Variants in SPAG16 observed in about 807,000 individuals in gnomAD.
The protein encoded by SPAG16 is sperm-associated antigen 16 protein.
In SPAG16, 86 loss-of-function variants were observed where a neutral mutation model predicts 80.4. The ratio of observed to expected loss-of-function variants is 1.07; its 90% CI spans 0.90 to 1.28. The LOEUF (loss-of-function observed/expected upper bound fraction) is 1.28. Ranked by LOEUF, SPAG16 falls within the 50% of genes most tolerant of loss-of-function variation. The probability of loss-of-function intolerance (pLI) is 0.00; values close to 1 mark genes in which losing one functional copy is unlikely to be tolerated. For synonymous variants in SPAG16, 294 were observed against 265.9 expected, an observed-to-expected ratio of 1.11 and a Z score of -1.03; for missense variants, 870 against 765.3, an observed-to-expected ratio of 1.14 and a Z score of -1.61.
intron 10 of SPAG16, among the ~76,000 whole-genome samples, chr2:213,607,474 C>G (rs1175029869): frequency 6.6e-6 from 1 of 152,230 alleles, no homozygotes; most frequent in Non-Finnish European, 1.5e-5. Context: ...CATTCACTCA[C>G]AGCACCTGTG....
intron 9 of SPAG16, among the ~76,000 whole-genome samples, chr2:213,443,265 C>T (rs1173104383): frequency 6.6e-6 from 1 of 152,084 alleles, no homozygotes; most frequent in African/African-American, 2.4e-5. Flanking sequence ...TAGATTAATT[C>T]ATCCTATATG....
chr2:214,109,381 A>G (rs577730240), intron 14 of SPAG16, among the ~76,000 whole-genome samples: 1 of 152,300 alleles, frequency 6.6e-6, no homozygotes, highest in African/African-American at 2.4e-5. Flanking sequence ...TTTAAACTCT[A>G]TGATTTAATT....
intron 10 of SPAG16, among the ~76,000 whole-genome samples, chr2:213,853,337 C>T (rs1202702167): frequency 1.3e-5 from 2 of 152,138 alleles, no homozygotes; most frequent in Admixed American, 1.3e-4. Context: ...ACACTCCCTC[C>T]AAAATATCCT....
At chr2:213,772,194 C>T (rs188786515) in intron 10 of SPAG16, among the ~76,000 whole-genome samples, 4 of 152,196 alleles carry the variant, frequency 2.6e-5, no homozygotes, top group Non-Finnish European at 5.9e-5. Flanking sequence ...ATTTTATTCT[C>T]TTTGTAGCAA....
At chr2:213,304,010 G>A (rs939195501) in intron 3 of SPAG16, among the ~76,000 whole-genome samples, 8 of 151,954 alleles carry the variant, frequency 5.3e-5, no homozygotes, top group African/African-American at 1.7e-4. Flanking sequence ...AATGGTGTAC[G>A]AGGGTTACTT....
intron 15 of SPAG16, among the ~76,000 whole-genome samples, chr2:214,396,362 A>C (rs1288816946): frequency 1.3e-5 from 2 of 152,082 alleles, no homozygotes; most frequent in Non-Finnish European, 2.9e-5. Flanking sequence ...ACTTAGACAC[A>C]TTGTATATAT....
At chr2:214,162,217 G>A (rs2056468057) in intron 15 of SPAG16, among the ~76,000 whole-genome samples, 1 of 152,072 alleles carries the variant, frequency 6.6e-6, no homozygotes, top group South Asian at 2.1e-4. Context: ...TCAGATCCCA[G>A]GACCTTTTGG....
At chr2:214,266,806 GA>G (rs145398748) in intron 15 of SPAG16, among the ~76,000 whole-genome samples, 7,326 of 149,460 alleles carry the variant, frequency 0.049, 479 homozygotes, top group East Asian at 0.16. Flanking sequence ...CAGACTGCCT[GA>G]AAAAAAAATT....
At chr2:214,201,218 G>T (rs1182135610) in intron 15 of SPAG16, among the ~76,000 whole-genome samples, 3 of 152,108 alleles carry the variant, frequency 2.0e-5, no homozygotes, top group Non-Finnish European at 4.4e-5. Context: ...CACCATCAAG[G>T]TATCAATAAA....
intron 15 of SPAG16, among the ~76,000 whole-genome samples, chr2:214,210,789 G>A (rs1457904886): frequency 2.0e-5 from 3 of 151,768 alleles, no homozygotes; most frequent in African/African-American, 4.8e-5. Context: ...GTAACCAAAA[G>A]CTCCACAATT....
chr2:213,915,465 T>A (rs1238493624), intron 11 of SPAG16, among the ~76,000 whole-genome samples: 1 of 152,214 alleles, frequency 6.6e-6, no homozygotes, highest in Non-Finnish European at 1.5e-5. Flanking sequence ...GAACTCATAC[T>A]TTTTATGGCT....
At chr2:213,770,601 A>G (rs1046992265) in intron 10 of SPAG16, among the ~76,000 whole-genome samples, 5 of 152,004 alleles carry the variant, frequency 3.3e-5, no homozygotes, top group Admixed American at 6.6e-5. Context: ...CTTTATCCTG[A>G]TAATATGCTT....
At chr2:214,191,414 TAGAA>T (rs2057659189) in intron 15 of SPAG16, among the ~76,000 whole-genome samples, 1 of 151,800 alleles carries the variant, frequency 6.6e-6, no homozygotes. Context: ...AAACAGAAGT[TAGAA>T]AGGAAAAACC....
chr2:214,394,890 G>A (rs1041974473), intron 15 of SPAG16, among the ~76,000 whole-genome samples: 2 of 152,092 alleles, frequency 1.3e-5, no homozygotes, highest in African/African-American at 4.8e-5. Context: ...ACAACTCCTG[G>A]CAGCCACAGA....
chr2:213,426,833 AC>A (rs1172868951), intron 9 of SPAG16, among the ~76,000 whole-genome samples: 1 of 73,992 alleles, frequency 1.4e-5, no homozygotes, highest in Non-Finnish European at 2.7e-5. Context: ...TTATTCTGAT[AC>A]ATACACACAC....
At chr2:213,848,953 A>G (rs918064326) in intron 10 of SPAG16, among the ~76,000 whole-genome samples, 2 of 152,174 alleles carry the variant, frequency 1.3e-5, no homozygotes, top group Non-Finnish European at 1.5e-5. Flanking sequence ...ACATATATAT[A>G]TAACTTTTGT....
chr2:214,157,728 G>A (rs2056275957), intron 15 of SPAG16, among the ~76,000 whole-genome samples: 1 of 152,016 alleles, frequency 6.6e-6, no homozygotes, highest in South Asian at 2.1e-4. Flanking sequence ...TCAATTGCAT[G>A]ATTTATGATA....
chr2:213,883,066 C>G (rs2076412314), intron 11 of SPAG16, among the ~76,000 whole-genome samples: 1 of 152,076 alleles, frequency 6.6e-6, no homozygotes, highest in Non-Finnish European at 1.5e-5. Flanking sequence ...CGGGGTTTCA[C>G]CGTGTTAGCC....
At chr2:213,705,866 A>G (rs2065730100) in intron 10 of SPAG16, among the ~76,000 whole-genome samples, 1 of 152,142 alleles carries the variant, frequency 6.6e-6, no homozygotes, top group Non-Finnish European at 1.5e-5. Context: ...TTTTCTTTTT[A>G]AAAATCCTAC....
Sources: allele counts gnomAD v4.1 joint callset (sites outside exome capture counted in the v4.1 genomes callset), GRCh38; gene constraint gnomAD v4.1.1; transcripts MANE v1.5; gene names NCBI Gene and HGNC (gene_info 2026-07-23, HGNC 2026-07-21).